Variants in AKAP6 observed in about 807,000 individuals in gnomAD.
AKAP6 encodes the protein A-kinase anchoring protein 6.
Under a neutral mutation model 188.5 loss-of-function variants are expected in AKAP6, and 58 were observed. The observed-to-expected ratio is 0.31, with a 90% confidence interval of 0.25 to 0.38. The LOEUF (loss-of-function observed/expected upper bound fraction) is 0.38. Ranked by LOEUF, AKAP6 falls within the 10% of genes least tolerant of loss-of-function variation. AKAP6 has a pLI of 1.00. For synonymous variants in AKAP6, 989 were observed against 998.6 expected (o/e 0.99, Z 0.18); for missense variants, 2,710 against 2,740.0 (o/e 0.99, Z 0.24).
Position 32,824,581 on chromosome 14 carries a change from C to T in AKAP6, c.6768C>T (p.Ser2256=), listed in dbSNP as rs200371024. ...AGCTTGACAGTGAAAAGGAAAGTTC[C>T]GGAAAACCAGGTGAATCTGGAATGC... ...PSKLDSEKES[S]GKPGESGMPE... Residue 2256 remains serine (S), a synonymous_variant, in exon 13 of 14, where the codon TCC becomes TCT. Transcript: ENST00000280979. The T allele has an allele frequency of 1.3e-4, 203 of 1,613,834 alleles. No homozygotes were observed. The East Asian group carries it at 1.4e-3, about 11-fold the overall frequency.
intron 7 of AKAP6, among the ~76,000 whole-genome samples, chr14:32,651,874 C>T (rs1888245190): frequency 6.6e-6 from 1 of 152,060 alleles, no homozygotes; most frequent in African/African-American, 2.4e-5. Flanking sequence ...TAAATCATTG[C>T]AATTTCCTTT....
intron 12 of AKAP6, among the ~76,000 whole-genome samples, chr14:32,795,264 A>C (rs1372792513): frequency 6.6e-6 from 1 of 152,204 alleles, no homozygotes; most frequent in Admixed American, 6.5e-5. Flanking sequence ...AAAAAGAGGG[A>C]CTTCTCCCTA....
At position 32,549,670 on chromosome 14, in the gene AKAP6, A is replaced by G. The variant is rs142185418; in HGVS notation, c.2346+2671A>G. Among the ~76,000 whole-genome samples, 506 of 152,332 alleles carry G rather than the reference A, an allele frequency of 3.3e-3. 5 individuals are homozygous for G. In the Middle Eastern group the frequency reaches 0.034, roughly 10 times the overall value. ...GCTTTTATTTTGTGTTTGGCTCTGT[A>G]CTAAGTATTTTACGTGGCTTACCCT... On this transcript the variant is annotated intron_variant, in intron 4 of 13. Coordinates refer to ENST00000280979, the MANE Select transcript of AKAP6 (RefSeq NM_004274.5).
intron 11 of AKAP6, among the ~76,000 whole-genome samples, chr14:32,761,050 T>C (rs1468888526): frequency 6.6e-6 from 1 of 152,154 alleles, no homozygotes. Context: ...AAGAAGCAAA[T>C]ACCCAGTGGT....
At chr14:32,371,479 C>T (rs1214490963) in intron 1 of AKAP6, among the ~76,000 whole-genome samples, 1 of 152,166 alleles carries the variant, frequency 6.6e-6, no homozygotes, top group African/African-American at 2.4e-5. Flanking sequence ...TGGGGGTGCT[C>T]ATCCGTAGTC....
intron 1 of AKAP6, among the ~76,000 whole-genome samples, chr14:32,370,750 T>C (rs898082830): frequency 4.6e-5 from 7 of 152,266 alleles, no homozygotes; most frequent in Middle Eastern, 3.4e-3. Context: ...TGGAAAAAAA[T>C]GAGAAAATGA....
At chr14:32,779,194 G>A (rs985012552) in intron 12 of AKAP6, among the ~76,000 whole-genome samples, 5 of 151,868 alleles carry the variant, frequency 3.3e-5, no homozygotes, top group Non-Finnish European at 7.4e-5. Context: ...CCAGGAGTTT[G>A]AGACCAGCCT....
intron 2 of AKAP6, among the ~76,000 whole-genome samples, chr14:32,496,820 G>A (rs113779344): frequency 1.4e-3 from 216 of 152,192 alleles, no homozygotes; most frequent in African/African-American, 5.0e-3. Flanking sequence ...TGAAAGGTTA[G>A]CCTTAAGTGC....
chr14:32,492,410 A>G (rs1333030833), intron 2 of AKAP6, among the ~76,000 whole-genome samples: 2 of 149,816 alleles, frequency 1.3e-5, no homozygotes, highest in Non-Finnish European at 3.0e-5. Flanking sequence ...ATATATATAT[A>G]TATACCTCAC....
intron 1 of AKAP6, among the ~76,000 whole-genome samples, chr14:32,353,785 A>G (rs952854484): frequency 2.6e-5 from 4 of 152,150 alleles, no homozygotes; most frequent in African/African-American, 9.7e-5. Flanking sequence ...TCAATGTGCA[A>G]AAATCACAAG....
At chr14:32,660,709 T>C (rs1361060474) in intron 7 of AKAP6, among the ~76,000 whole-genome samples, 2 of 152,026 alleles carry the variant, frequency 1.3e-5, no homozygotes, top group African/African-American at 4.8e-5. Context: ...ATGAATACTA[T>C]TTAAAACGTG....
intron 8 of AKAP6, among the ~76,000 whole-genome samples, chr14:32,693,926 C>T (rs1454892794): frequency 6.6e-6 from 1 of 152,158 alleles, no homozygotes; most frequent in Non-Finnish European, 1.5e-5. Context: ...TTATTAGTCA[C>T]AGAGTCAATA....
chr14:32,751,764 A>C (rs1214207004), intron 11 of AKAP6, among the ~76,000 whole-genome samples: 1 of 152,110 alleles, frequency 6.6e-6, no homozygotes, highest in African/African-American at 2.4e-5. Context: ...GCAGAACCTA[A>C]TTTTGTAATT....
At chr14:32,443,134 G>A (rs554244721) in intron 2 of AKAP6, among the ~76,000 whole-genome samples, 62 of 152,216 alleles carry the variant, frequency 4.1e-4, no homozygotes, top group African/African-American at 1.3e-3. Context: ...GGTGTCTCAC[G>A]CCTGTAATCC....
chr14:32,706,173 T>C (rs756552618), intron 9 of AKAP6, among the ~76,000 whole-genome samples: 36 of 152,300 alleles, frequency 2.4e-4, no homozygotes, highest in Middle Eastern at 3.4e-3. Context: ...TTGCCCCATA[T>C]CATCTTCTCT....
intron 1 of AKAP6, among the ~76,000 whole-genome samples, chr14:32,411,910 T>C (rs1270593817): frequency 6.6e-6 from 1 of 151,984 alleles, no homozygotes; most frequent in Non-Finnish European, 1.5e-5. Context: ...GTTTTTCTTC[T>C]CTAATATGTT....
At chr14:32,778,698 A>G (rs2033144228) in intron 12 of AKAP6, among the ~76,000 whole-genome samples, 1 of 138,108 alleles carries the variant, frequency 7.2e-6, no homozygotes, top group African/African-American at 2.7e-5. Flanking sequence ...GGAGCATGCC[A>G]GCATACCCAG....
chr14:32,599,105 A>G (rs1885818620), intron 5 of AKAP6, among the ~76,000 whole-genome samples: 1 of 152,202 alleles, frequency 6.6e-6, no homozygotes, highest in African/African-American at 2.4e-5. Flanking sequence ...ATGTGCTAGC[A>G]GAAATTCAGT....
Position 32,773,903 on chromosome 14 carries a change from GC to G in AKAP6, c.3588+11del. 2 of 1,611,580 alleles carry G rather than the reference GC, an allele frequency of 1.2e-6. No homozygotes were observed. Among genetic ancestry groups the G allele is most frequent in the Non-Finnish European group, 1.7e-6 (2 of 1,177,976 alleles). Reference sequence around the variant, plus strand: ...GATGGGAAAGGAATCTGTGAGTGATGCTTTTTTTAAGCATAATTGTCTGTCA... The same window carrying G: ...GATGGGAAAGGAATCTGTGAGTGATGTTTTTTTAAGCATAATTGTCTGTCA... On this transcript the variant is annotated intron_variant, in intron 12 of 13. Coordinates refer to ENST00000280979, the MANE Select transcript of AKAP6 (RefSeq NM_004274.5).
Sources: allele counts gnomAD v4.1 joint callset (sites outside exome capture counted in the v4.1 genomes callset), GRCh38; gene constraint gnomAD v4.1.1; transcripts MANE v1.5; gene names NCBI Gene and HGNC (gene_info 2026-07-23, HGNC 2026-07-21).